WNT7B: variants seen among roughly 807,000 people sequenced by gnomAD.
WNT7B encodes Wnt family member 7B.
A neutral mutation model predicts 38.2 loss-of-function variants in WNT7B; 19 were observed. The observed-to-expected ratio is 0.50, with a 90% CI of 0.35 to 0.73. WNT7B has a LOEUF of 0.73. Among genes scored for constraint, WNT7B ranks in the 30% least tolerant of loss-of-function variants. WNT7B has a pLI of 0.01. For missense variants in WNT7B, 423 were observed against 507.9 expected (o/e 0.83, Z 1.61); for synonymous variants, 243 against 209.3 (o/e 1.16, Z -1.39).
intron 3 of WNT7B, chr22:45,926,402 G>A (rs974349100): frequency 1.5e-5 from 15 of 985,376 alleles, no homozygotes; most frequent in Non-Finnish European, 1.8e-5. Context: ...GCAGGGGGGT[G>A]GTGGACTGAG....
At chr22:45,963,729 C>T (rs925155707) in intron 1 of WNT7B, among the ~76,000 whole-genome samples, 5 of 152,148 alleles carry the variant, frequency 3.3e-5, no homozygotes, top group African/African-American at 9.7e-5. Flanking sequence ...TAAGTGGAAG[C>T]CCAGCTGGGC....
At chr22:45,933,755 T>G (rs1381967909) in intron 2 of WNT7B, among the ~76,000 whole-genome samples, 1 of 152,134 alleles carries the variant, frequency 6.6e-6, no homozygotes, top group East Asian at 1.9e-4. Context: ...TTGCTGTGTG[T>G]GTGTGGTGTA....
In WNT7B at chr22:45,975,007, G is replaced by A. The variant is rs1349565516; in HGVS notation, c.71+1677C>T. Among the ~76,000 whole-genome samples, 1 of 152,152 alleles carries A rather than the reference G, an allele frequency of 6.6e-6. No individual in the cohort carries two copies. Among genetic ancestry groups the A allele is most frequent in the African/African-American group, 2.4e-5 (1 of 41,428 alleles). ...CCACTCACTCGTGGGAGGAAGGGCTGCTTTCCGATGACTGAGGCAGAAGAA... is the reference window on the plus strand; with the variant it reads ...CCACTCACTCGTGGGAGGAAGGGCTACTTTCCGATGACTGAGGCAGAAGAA... On this transcript the variant is annotated intron_variant, in intron 1 of 3. Coordinates refer to ENST00000339464, the MANE Select transcript of WNT7B (RefSeq NM_058238.3). This position sits in a 1 kb window ranked among gnomAD's most constrained non-coding sequence, Gnocchi z 6.6.
intron 3 of WNT7B, among the ~76,000 whole-genome samples, chr22:45,930,360 CTCTGCTGCCCTGGGT>C (rs1365154370): frequency 2.0e-5 from 3 of 152,286 alleles, no homozygotes; most frequent in Admixed American, 2.0e-4. Flanking sequence ...GCCCCCTAGG[CTCTGCTGCCCTGGGT>C]GCAGCCCCCA....
chr22:45,922,405 A>G lies in WNT7B; in HGVS notation c.*451T>C, dbSNP rs9330786. 0.17 allele frequency: 29,205 copies of G among 175,468 alleles called. 2,795 individuals are homozygous for G. Among genetic ancestry groups the G allele is most frequent in the African/African-American group, 0.27 (11,517 of 42,228 alleles). The allele number at this position is 175,468 out of a possible 1,614,324, so 10.9% of individuals were successfully genotyped here. A position where few individuals can be genotyped will look rare whatever the true frequency, so the allele number is the denominator to read the frequency against. On this transcript the variant is annotated 3_prime_UTR_variant, in exon 4 of 4. Transcript: ENST00000339464. ...ATCTGTCCCCACCGCCCCAGGGCCC[A>G]GCGGCAGACCCAGCCTGGGAACTGG...
chr22:45,925,323 C>G, intron 3 of WNT7B: 1 of 985,390 alleles, frequency 1.0e-6, no homozygotes, highest in South Asian at 4.7e-5. Context: ...TGCTCTGCAT[C>G]AGTGATGCCC....
rs1376116877 is a variant in WNT7B at position 45,976,212 on chromosome 22, G to A, written c.71+472C>T. Among the ~76,000 whole-genome samples the A allele has an allele frequency of 2.1e-5, 3 of 146,020 alleles. No homozygotes were observed. Among genetic ancestry groups the A allele is most frequent in the Non-Finnish European group, 4.6e-5 (3 of 65,644 alleles). On this transcript the variant is annotated intron_variant, in intron 1 of 3. Transcript: ENST00000339464. This position sits in a 1 kb window ranked among gnomAD's most constrained non-coding sequence, Gnocchi z 8.5. ...GACGAAGGGCCGCGGCGGGTGCCCC[G>A]GCCTGCGCGCTCGCGGCCGGGTGCG...
At chr22:45,939,436 G>A (rs1245374223) in intron 2 of WNT7B, among the ~76,000 whole-genome samples, 2 of 152,166 alleles carry the variant, frequency 1.3e-5, no homozygotes, top group African/African-American at 2.4e-5. Context: ...CTATCCATAC[G>A]GCAGAATATT....
At chr22:45,972,036 C>T (rs1264094368) in intron 1 of WNT7B, 6 of 452,872 alleles carry the variant, frequency 1.3e-5, no homozygotes, top group Non-Finnish European at 2.3e-5. Context: ...CCGCGCGCGA[C>T]GGTCACCCGG....
chr22:45,969,099 G>A lies in WNT7B; in HGVS notation c.71+7585C>T, dbSNP rs1414609982. ...AGGCCTGGTTCATCTCCTCCCCCTC[G>A]AGGGTCATGGCCACAGCACTTCTGG... On this transcript the variant is annotated intron_variant, in intron 1 of 3. Transcript: ENST00000339464. 3.9e-5 allele frequency among the ~76,000 whole-genome samples: 6 copies of A among 152,226 alleles called. No individual in the cohort carries two copies. The East Asian group carries it at 5.8e-4, about 15-fold the overall frequency.
In WNT7B at chr22:45,951,009, C is replaced by T. The variant is rs1020212571; in HGVS notation, c.72-863G>A. Among the ~76,000 whole-genome samples, 1 of 152,234 alleles carries T rather than the reference C, an allele frequency of 6.6e-6. No individual in the cohort carries two copies. Among genetic ancestry groups the T allele is most frequent in the Non-Finnish European group, 1.5e-5 (1 of 68,046 alleles). Reference sequence around the variant, plus strand: ...AACTCTCAGGACCTGAAGCCCTAGACAAGAACCCGCAGGTCACGCTCACTC... The same window carrying T: ...AACTCTCAGGACCTGAAGCCCTAGATAAGAACCCGCAGGTCACGCTCACTC... On this transcript the variant is annotated intron_variant, in intron 1 of 3. Transcript: ENST00000339464. The surrounding 1 kb of genome is among the most constrained non-coding windows in gnomAD (Gnocchi z 4.8).
At chr22:45,926,245 G>T (rs1243595066) in intron 3 of WNT7B, 9 of 985,412 alleles carry the variant, frequency 9.1e-6, no homozygotes, top group Non-Finnish European at 1.1e-5. Context: ...CAGCAATGGT[G>T]GTGCCAGCAC....
intron 2 of WNT7B, among the ~76,000 whole-genome samples, chr22:45,942,585 A>G (rs1013622374): frequency 6.6e-6 from 1 of 152,222 alleles, no homozygotes; most frequent in Non-Finnish European, 1.5e-5. Context: ...CCTGACCTGG[A>G]CCAGCCGGGG....
At chr22:45,930,960 G>T in intron 3 of WNT7B, 138 bp downstream of exon 3, 2 of 1,209,392 alleles carry the variant, frequency 1.7e-6, no homozygotes, top group South Asian at 1.6e-5. Flanking sequence ...GCACGTGGAG[G>T]ACCCAGACGG....
intron 2 of WNT7B, among the ~76,000 whole-genome samples, chr22:45,937,923 C>G (rs754131469): frequency 6.6e-6 from 1 of 152,006 alleles, no homozygotes; most frequent in Non-Finnish European, 1.5e-5. Context: ...GTAGGAGAAT[C>G]GCTTGAACCT....
chr22:45,941,264 C>A lies in WNT7B; in HGVS notation c.298+8656G>T, dbSNP rs528467632. Among the ~76,000 whole-genome samples, 8 of 152,202 alleles carry A rather than the reference C, an allele frequency of 5.3e-5. 2 individuals carry two copies. In the South Asian group the frequency reaches 6.2e-4, roughly 12 times the overall value. On this transcript the variant is annotated intron_variant, in intron 2 of 3. Transcript: ENST00000339464. ...GTGGCTCACGCCTGTAATCCCGGCA[C>A]CTTGGGAGGCTAAGGCGGGCGGATC...
At chr22:45,928,469 C>A (rs1461596246) in intron 3 of WNT7B, among the ~76,000 whole-genome samples, 1 of 152,026 alleles carries the variant, frequency 6.6e-6, no homozygotes, top group Non-Finnish European at 1.5e-5. Flanking sequence ...GGTCAAGGCT[C>A]AGCAGCAGCG....
intron 3 of WNT7B, chr22:45,926,798 C>A: frequency 5.1e-6 from 5 of 985,390 alleles, no homozygotes; most frequent in Non-Finnish European, 6.0e-6. Flanking sequence ...AATGTGGCCT[C>A]GAGTGAAGTT....
intron 2 of WNT7B, among the ~76,000 whole-genome samples, chr22:45,934,705 C>G (rs1931467883): frequency 6.6e-6 from 1 of 152,220 alleles, no homozygotes; most frequent in Admixed American, 6.5e-5. Flanking sequence ...CAAGCGCCTG[C>G]TCTCACCTGG....
Sources: allele counts gnomAD v4.1 joint callset (sites outside exome capture counted in the v4.1 genomes callset), GRCh38; gene constraint gnomAD v4.1.1; non-coding constraint Gnocchi (gnomAD v3.1); transcripts MANE v1.5; gene names NCBI Gene and HGNC (gene_info 2026-07-23, HGNC 2026-07-21).